FCHSD2: variants seen among roughly 807,000 people sequenced by gnomAD.
FCHSD2 encodes the protein F-BAR and double SH3 domains protein 2.
A neutral mutation model predicts 108.1 loss-of-function variants in FCHSD2; 38 were observed. The ratio of observed to expected loss-of-function variants is 0.35; its 90% CI spans 0.27 to 0.46. The LOEUF (loss-of-function observed/expected upper bound fraction) is 0.46, where lower values mean the gene tolerates loss of function less well. Ranked by LOEUF, FCHSD2 falls within the 20% of genes least tolerant of loss-of-function variation. The pLI is 1.00. For synonymous variants in FCHSD2, 279 were observed against 314.7 expected (o/e 0.89, Z 1.20); for missense variants, 751 against 897.8 (o/e 0.84, Z 2.09).
chr11:72,870,350 A>G (rs1429499334), intron 12 of FCHSD2, among the ~76,000 whole-genome samples: 1 of 152,160 alleles, frequency 6.6e-6, no homozygotes, highest in Non-Finnish European at 1.5e-5. Flanking sequence ...TCGAGCATTG[A>G]CATTCAGCGT....
chr11:72,866,120 T>C (rs1854715158), intron 13 of FCHSD2, among the ~76,000 whole-genome samples: 1 of 152,142 alleles, frequency 6.6e-6, no homozygotes, highest in African/African-American at 2.4e-5. Context: ...AGTCCTGCTG[T>C]AGAAGCCCAA....
At chr11:73,005,512 C>G (rs892899166) in intron 4 of FCHSD2, among the ~76,000 whole-genome samples, 2 of 152,258 alleles carry the variant, frequency 1.3e-5, no homozygotes, top group Admixed American at 6.5e-5. Flanking sequence ...ATTCTTTAGT[C>G]TCCTTTGCCG....
At chr11:72,924,736 G>C (rs1352619065) in intron 8 of FCHSD2, among the ~76,000 whole-genome samples, 1 of 146,930 alleles carries the variant, frequency 6.8e-6, no homozygotes, top group Non-Finnish European at 1.5e-5. Flanking sequence ...GAGTAATAAA[G>C]CTGCACCTTC....
intron 2 of FCHSD2, among the ~76,000 whole-genome samples, chr11:73,134,587 T>C (rs1209065027): frequency 1.3e-5 from 2 of 152,174 alleles, no homozygotes; most frequent in African/African-American, 4.8e-5. Context: ...TCACTTGAGG[T>C]CTCTAGACCA....
At chr11:72,942,738 ATTTTAT>A (rs1856444678) in intron 8 of FCHSD2, among the ~76,000 whole-genome samples, 1 of 152,146 alleles carries the variant, frequency 6.6e-6, no homozygotes, top group Non-Finnish European at 1.5e-5. Context: ...TATTCATTTT[ATTTTAT>A]TTTTATTATG....
At position 72,838,757 on chromosome 11, in the gene FCHSD2, T is replaced by C. The variant is rs1305383022; in HGVS notation, c.*34A>G. ...ACTGGCCAAACTCCAAGCCTGGCCT[T>C]GATTGTAGCAGTAATGGATGGGCAA... On this transcript the variant is annotated 3_prime_UTR_variant, in exon 20 of 20. Transcript: ENST00000409418. The C allele has an allele frequency of 1.3e-6, 2 of 1,551,170 alleles. No individual in the cohort carries two copies. Among genetic ancestry groups the C allele is most frequent in the Non-Finnish European group, 1.8e-6 (2 of 1,139,490 alleles).
At chr11:73,124,908 G>T (rs1423102869) in intron 2 of FCHSD2, among the ~76,000 whole-genome samples, 2 of 152,136 alleles carry the variant, frequency 1.3e-5, no homozygotes, top group Non-Finnish European at 2.9e-5. Context: ...AGAGAAAAAA[G>T]CTATTAGAGC....
chr11:73,029,017 C>G (rs549449667), intron 3 of FCHSD2, among the ~76,000 whole-genome samples: 1 of 152,040 alleles, frequency 6.6e-6, no homozygotes, highest in East Asian at 1.9e-4. Flanking sequence ...CGGACTAACA[C>G]AGGAAGCATG....
chr11:72,908,256 C>T (rs923917344), intron 9 of FCHSD2, among the ~76,000 whole-genome samples: 3 of 152,104 alleles, frequency 2.0e-5, no homozygotes, highest in African/African-American at 7.2e-5. Context: ...TGTATATATA[C>T]CACATTTTCT....
chr11:73,007,601 G>C (rs1043754129), intron 4 of FCHSD2, among the ~76,000 whole-genome samples: 9 of 151,430 alleles, frequency 5.9e-5, no homozygotes, highest in African/African-American at 2.2e-4. Flanking sequence ...ACCCTGTTTT[G>C]AAAGAAAGGA....
intron 8 of FCHSD2, among the ~76,000 whole-genome samples, chr11:72,936,420 G>GC (rs1555057458): frequency 1.3e-5 from 2 of 151,876 alleles, no homozygotes; most frequent in Non-Finnish European, 2.9e-5. Context: ...TAATTCCCTT[G>GC]TTTTTTTTAC....
chr11:72,895,684 A>G (rs1306236586), intron 10 of FCHSD2, among the ~76,000 whole-genome samples: 1 of 152,218 alleles, frequency 6.6e-6, no homozygotes, highest in African/African-American at 2.4e-5. Context: ...ACTTTTTACA[A>G]AAAGCCTTTT....
chr11:73,020,640 T>C (rs1858078773), intron 3 of FCHSD2, among the ~76,000 whole-genome samples: 1 of 152,076 alleles, frequency 6.6e-6, no homozygotes, highest in Non-Finnish European at 1.5e-5. Flanking sequence ...ATATTCTTCA[T>C]TGTTCTGTGT....
chr11:72,986,952 T>C (rs1203188978), intron 6 of FCHSD2, among the ~76,000 whole-genome samples: 1 of 152,206 alleles, frequency 6.6e-6, no homozygotes. Flanking sequence ...CTATATACTA[T>C]GTAACTACCA....
chr11:73,046,967 T>C (rs1858783540), intron 3 of FCHSD2, among the ~76,000 whole-genome samples: 1 of 152,156 alleles, frequency 6.6e-6, no homozygotes, highest in African/African-American at 2.4e-5. Context: ...CAATACGAAC[T>C]ATGATGCTGT....
intron 4 of FCHSD2, 77 bp downstream of exon 4, chr11:73,015,732 G>A: frequency 2.6e-6 from 2 of 769,220 alleles, no homozygotes; most frequent in Middle Eastern, 2.4e-4. Context: ...AAAAACTAGA[G>A]TGTTACATTA....
chr11:72,955,479 A>G (rs1295290879), intron 8 of FCHSD2, among the ~76,000 whole-genome samples: 1 of 152,110 alleles, frequency 6.6e-6, no homozygotes, highest in Non-Finnish European at 1.5e-5. Flanking sequence ...TGGTTACACC[A>G]CTGGCTAATG....
intron 3 of FCHSD2, among the ~76,000 whole-genome samples, chr11:73,045,499 C>G (rs1439983921): frequency 8.5e-5 from 13 of 152,086 alleles, no homozygotes; most frequent in African/African-American, 3.1e-4. Flanking sequence ...TTCACCATAG[C>G]AGAGACTTGG....
At chr11:72,959,853 GGTGTGTGTGT>G (rs58451717) in intron 8 of FCHSD2, among the ~76,000 whole-genome samples, 17 of 145,892 alleles carry the variant, frequency 1.2e-4, no homozygotes, top group South Asian at 6.7e-4. Flanking sequence ...AAGTTTCTAG[GGTGTGTGTGT>G]GTGTGTGTGT....
Sources: gnomAD v4.1 joint callset for allele counts (sites outside exome capture counted in the v4.1 genomes callset) on GRCh38, gnomAD v4.1.1 for gene constraint, MANE v1.5 for transcripts, NCBI Gene and HGNC (gene_info 2026-07-23, HGNC 2026-07-21) for gene names.